The following SYT1 variants were observed in gnomAD, a reference collection of about 807,000 sequenced individuals.
SYT1 encodes the protein synaptotagmin 1.
SYT1 carries 8 observed loss-of-function variants against 44.8 expected under a neutral mutation model. The ratio of observed to expected loss-of-function variants is 0.18; its 90% CI spans 0.10 to 0.32. The LOEUF (loss-of-function observed/expected upper bound fraction) is 0.32. Ranked by LOEUF, SYT1 falls within the 10% of genes least tolerant of loss-of-function variation. The pLI is 1.00. For synonymous variants in SYT1, 154 were observed against 188.8 expected (o/e 0.82, Z 1.51); for missense variants, 286 against 509.3 (o/e 0.56, Z 4.22).
At chr12:78,880,700 C>G (rs372820454) in intron 1 of SYT1, among the ~76,000 whole-genome samples, 2 of 151,460 alleles carry the variant, frequency 1.3e-5, no homozygotes, top group Non-Finnish European at 3.0e-5. Context: ...ATAGAGATGA[C>G]AAGCTTATAC....
intron 9 of SYT1, among the ~76,000 whole-genome samples, chr12:79,439,918 T>A (rs1225019641): frequency 5.5e-5 from 8 of 146,718 alleles, no homozygotes; most frequent in East Asian, 2.0e-4. Context: ...TTGAATTCTT[T>A]AAAAAAAAAA....
At chr12:79,186,446 C>T (rs1484179154) in intron 3 of SYT1, among the ~76,000 whole-genome samples, 1 of 152,060 alleles carries the variant, frequency 6.6e-6, no homozygotes, top group African/African-American at 2.4e-5. Context: ...TTGCCCATAA[C>T]TTTTTAATTG....
intron 3 of SYT1, among the ~76,000 whole-genome samples, chr12:79,110,501 A>C (rs1272719980): frequency 6.6e-6 from 1 of 152,138 alleles, no homozygotes; most frequent in Admixed American, 6.6e-5. Flanking sequence ...GAAAATCTAG[A>C]AAACATTTTA....
At chr12:79,310,803 T>C (rs948492505) in intron 8 of SYT1, among the ~76,000 whole-genome samples, 1 of 152,248 alleles carries the variant, frequency 6.6e-6, no homozygotes, top group Non-Finnish European at 1.5e-5. Flanking sequence ...CACTCATAAT[T>C]TGGCTCTCTG....
chr12:79,219,696 G>A (rs1042507474), intron 4 of SYT1, among the ~76,000 whole-genome samples: 9 of 151,992 alleles, frequency 5.9e-5, no homozygotes, highest in Non-Finnish European at 8.8e-5. Context: ...CTGTTTCATC[G>A]TCTATGTGTC....
At chr12:79,113,760 C>A (rs972582134) in intron 3 of SYT1, among the ~76,000 whole-genome samples, 1 of 152,086 alleles carries the variant, frequency 6.6e-6, no homozygotes, top group African/African-American at 2.4e-5. Context: ...AAGATCTGCT[C>A]ACCACTAATC....
At chr12:79,190,191 GA>G (rs1475976092) in intron 3 of SYT1, among the ~76,000 whole-genome samples, 1 of 152,064 alleles carries the variant, frequency 6.6e-6, no homozygotes, top group Non-Finnish European at 1.5e-5. Context: ...ACTTGCCAGA[GA>G]ATTTTAGAAC....
intron 1 of SYT1, among the ~76,000 whole-genome samples, chr12:78,951,160 C>G (rs1878944409): frequency 6.6e-6 from 1 of 152,046 alleles, no homozygotes; most frequent in Non-Finnish European, 1.5e-5. Context: ...TTCAGTAATC[C>G]CATTGCTTTC....
chr12:79,120,522 G>A (rs1879537541), intron 3 of SYT1, among the ~76,000 whole-genome samples: 1 of 152,090 alleles, frequency 6.6e-6, no homozygotes, highest in African/African-American at 2.4e-5. Context: ...AGCAGTCAAT[G>A]TTTCACACTC....
chr12:79,336,841 A>G (rs1158206339), intron 8 of SYT1, among the ~76,000 whole-genome samples: 2 of 151,824 alleles, frequency 1.3e-5, no homozygotes, highest in Admixed American at 1.3e-4. Flanking sequence ...TATTTTTATT[A>G]TTTTTTATTT....
At chr12:79,005,217 G>T (rs1417229067) in intron 2 of SYT1, among the ~76,000 whole-genome samples, 1 of 151,942 alleles carries the variant, frequency 6.6e-6, no homozygotes, top group Admixed American at 6.6e-5. Flanking sequence ...TAGAAAGAGA[G>T]TATTAATGAG....
intron 4 of SYT1, 118 bp from the exon 5 acceptor site, chr12:79,285,669 G>A: frequency 1.4e-6 from 1 of 692,736 alleles, no homozygotes; most frequent in South Asian, 2.0e-5. Flanking sequence ...TGTACCTGCA[G>A]CATAACAGGT....
At chr12:79,064,933 AAAGAAAGAAAG>A (rs1466578201) in intron 3 of SYT1, among the ~76,000 whole-genome samples, 1 of 75,124 alleles carries the variant, frequency 1.3e-5, no homozygotes, top group Non-Finnish European at 2.8e-5. Flanking sequence ...AGAGAGAAAG[AAAGAAAGAAAG>A]AAAGAAAGAA....
intron 3 of SYT1, among the ~76,000 whole-genome samples, chr12:79,128,309 G>C (rs1313808373): frequency 6.6e-6 from 1 of 152,124 alleles, no homozygotes; most frequent in African/African-American, 2.4e-5. Context: ...GGGAGCACCT[G>C]TTTGAGCCAG....
chr12:78,900,360 C>T (rs1875593918), intron 1 of SYT1, among the ~76,000 whole-genome samples: 1 of 152,056 alleles, frequency 6.6e-6, no homozygotes, highest in African/African-American at 2.4e-5. Context: ...GATGTTAATA[C>T]ATTATAACTA....
intron 5 of SYT1, among the ~76,000 whole-genome samples, chr12:79,290,058 G>A (rs1879502472): frequency 6.6e-6 from 1 of 152,128 alleles, no homozygotes; most frequent in East Asian, 1.9e-4. Flanking sequence ...ATGAAGCATA[G>A]ATTAAACTTT....
At chr12:78,935,003 G>A (rs1000420551) in intron 1 of SYT1, among the ~76,000 whole-genome samples, 3 of 152,142 alleles carry the variant, frequency 2.0e-5, no homozygotes, top group African/African-American at 4.8e-5. Flanking sequence ...TGCCTCGCCC[G>A]AGTCTATAAT....
intron 3 of SYT1, among the ~76,000 whole-genome samples, chr12:79,063,670 G>A (rs1329599309): frequency 6.6e-6 from 1 of 152,020 alleles, no homozygotes; most frequent in Admixed American, 6.6e-5. Context: ...AAACCCAATG[G>A]CATCAAATTC....
chr12:79,160,952 G>A (rs570640715), intron 3 of SYT1, among the ~76,000 whole-genome samples: 2 of 152,184 alleles, frequency 1.3e-5, no homozygotes, highest in African/African-American at 2.4e-5. Flanking sequence ...ATAAGACTGG[G>A]CCAGGCGCAG....
Sources: gnomAD v4.1 joint callset for allele counts (sites outside exome capture counted in the v4.1 genomes callset) on GRCh38, gnomAD v4.1.1 for gene constraint, MANE v1.5 for transcripts, NCBI Gene and HGNC (gene_info 2026-07-23, HGNC 2026-07-21) for gene names.